The following VEZT variants were observed in gnomAD, a reference collection of about 807,000 sequenced individuals.
VEZT encodes vezatin, adherens junctions transmembrane protein.
In VEZT, 39 loss-of-function variants were observed where a neutral mutation model predicts 79.9. The ratio of observed to expected loss-of-function variants is 0.49; its 90% CI spans 0.38 to 0.64. The LOEUF is 0.64. Among genes scored for constraint, VEZT ranks in the 30% least tolerant of loss-of-function variants. The pLI is 0.00. For missense variants in VEZT, 837 were observed against 893.1 expected (o/e 0.94, Z 0.80); for synonymous variants, 325 against 327.6 (o/e 0.99, Z 0.09).
At chr12:95,288,087 T>C (rs1035745963) in intron 9 of VEZT, among the ~76,000 whole-genome samples, 1 of 152,208 alleles carries the variant, frequency 6.6e-6, no homozygotes, top group African/African-American at 2.4e-5. Flanking sequence ...GTGAATCATA[T>C]CTCTTTTTTA....
At chr12:95,297,291 T>C (rs17041180) in intron 11 of VEZT, among the ~76,000 whole-genome samples, 19,435 of 152,250 alleles carry the variant, frequency 0.13, 2,021 homozygotes, top group African/African-American at 0.29. Context: ...TGGATTCTCT[T>C]CCATTTTACA....
At chr12:95,279,009 G>A (rs1221397422) in intron 7 of VEZT, among the ~76,000 whole-genome samples, 7 of 152,240 alleles carry the variant, frequency 4.6e-5, no homozygotes, top group African/African-American at 1.7e-4. Context: ...GGCGGAAGTT[G>A]TGGTGAGCCA....
chr12:95,274,827 G>C lies in VEZT; in HGVS notation c.934G>C (p.Glu312Gln). The part of the protein sequence containing the change: ...FKELGLGLSE[E>Q]QISEEEAHNF... The stretch of plus-strand genomic sequence containing the variant: ...AGAGCTGGGCCTTGGACTTAGTGAA[G>C]AGCAGATTTCAGAAGAGGAAGCACA... Residue 312 changes from glutamate to glutamine, a missense_variant, in exon 7 of 12, where the codon GAG becomes CAG. Physicochemically the swap from Glu to Gln is conservative, Grantham distance 29 (BLOSUM62 2). Coordinates refer to ENST00000436874, the MANE Select transcript of VEZT (RefSeq NM_017599.4). 7 of 1,613,876 alleles carry C rather than the reference G, an allele frequency of 4.3e-6. No homozygotes were observed. Among genetic ancestry groups the C allele is most frequent in the Non-Finnish European group, 5.9e-6 (7 of 1,179,834 alleles).
At chr12:95,240,660 A>C (rs1270899046) in intron 1 of VEZT, among the ~76,000 whole-genome samples, 2 of 152,184 alleles carry the variant, frequency 1.3e-5, no homozygotes, top group African/African-American at 4.8e-5. Flanking sequence ...ATTCTAATGC[A>C]GTTATTTCGA....
chr12:95,268,850 A>C (rs2066053805), intron 5 of VEZT, among the ~76,000 whole-genome samples: 1 of 152,194 alleles, frequency 6.6e-6, no homozygotes, highest in South Asian at 2.1e-4. Flanking sequence ...CAGTTTTTAA[A>C]ACTGATTTAG....
chr12:95,295,174 T>G (rs1181107528), intron 10 of VEZT, among the ~76,000 whole-genome samples: 1 of 152,186 alleles, frequency 6.6e-6, no homozygotes, highest in Non-Finnish European at 1.5e-5. Context: ...GGTTCTTTTT[T>G]ATATGAGACC....
intron 6 of VEZT, among the ~76,000 whole-genome samples, chr12:95,273,817 A>G (rs1566208342): frequency 6.6e-6 from 1 of 152,242 alleles, no homozygotes; most frequent in Admixed American, 6.5e-5. Flanking sequence ...TAAATTTAAT[A>G]TTGGATTGTA....
At chr12:95,236,058 A>G (rs1170366496) in intron 1 of VEZT, among the ~76,000 whole-genome samples, 29 of 151,546 alleles carry the variant, frequency 1.9e-4, no homozygotes, top group African/African-American at 3.4e-4. Flanking sequence ...GCACTTTGGG[A>G]GGCCAAGGCA....
In VEZT at chr12:95,280,566, T is replaced by C. The variant is rs537358020; in HGVS notation, c.997-1747T>C. ...ACACACACACACACTATTCCTCTTC[T>C]TTGCTGTGTTTTTCCCATCAACCAA... On this transcript the variant is annotated intron_variant, in intron 7 of 11. Transcript: ENST00000436874. 2.6e-5 allele frequency among the ~76,000 whole-genome samples: 4 copies of C among 151,608 alleles called. No individual in the cohort carries two copies. In the East Asian group the frequency reaches 7.8e-4, roughly 29 times the overall value.
At chr12:95,262,765 A>G in intron 3 of VEZT, 141 bp from the exon 4 acceptor site, 4 of 653,892 alleles carry the variant, frequency 6.1e-6, no homozygotes, top group Non-Finnish European at 9.2e-6. Flanking sequence ...ATCATACTGA[A>G]GGTAGATTGG....
chr12:95,274,323 G>A (rs1222248092), intron 6 of VEZT, among the ~76,000 whole-genome samples: 1 of 152,108 alleles, frequency 6.6e-6, no homozygotes, highest in Non-Finnish European at 1.5e-5. Context: ...AAAATCAGCT[G>A]GGTGTGGTGG....
At chr12:95,298,037 T>G (rs1376659897) in intron 11 of VEZT, among the ~76,000 whole-genome samples, 1 of 152,034 alleles carries the variant, frequency 6.6e-6, no homozygotes, top group African/African-American at 2.4e-5. Context: ...GGAGAATCGC[T>G]TGAACCTGGG....
At position 95,294,336 on chromosome 12, in the gene VEZT, A is replaced by G; in HGVS notation, c.1587A>G (p.Leu529=). ...TAGTACCTTTGAAGCAGCCTACTCT[A>G]CACATTGCAGACAAAGATCCAATCC... The part of the protein sequence containing the change: ...CTVVPLKQPT[L]HIADKDPIPE... The change falls in exon 10 of 12, where the codon CTA becomes CTG. Residue 529 remains leucine (L), a synonymous_variant. Transcript: ENST00000436874. 1.3e-6 allele frequency: 2 copies of G among 1,589,922 alleles called. No homozygotes were observed. Among genetic ancestry groups the G allele is most frequent in the Non-Finnish European group, 1.7e-6 (2 of 1,167,584 alleles).
chr12:95,249,304 T>G (rs1187832285), intron 1 of VEZT, among the ~76,000 whole-genome samples: 1 of 152,228 alleles, frequency 6.6e-6, no homozygotes, highest in Non-Finnish European at 1.5e-5. Context: ...AACAATGTTT[T>G]TTTTTAAAGT....
chr12:95,274,629 C>G (rs2067266385), intron 6 of VEZT, 113 bp from the exon 7 acceptor site: 1 of 1,146,016 alleles, frequency 8.7e-7, no homozygotes, highest in East Asian at 2.5e-5. Flanking sequence ...TGCTGTAAAC[C>G]TCCTCATCCA....
intron 9 of VEZT, among the ~76,000 whole-genome samples, chr12:95,291,268 T>G (rs951634850): frequency 1.3e-5 from 2 of 152,184 alleles, no homozygotes; most frequent in African/African-American, 4.8e-5. Flanking sequence ...TGTGTGTGTG[T>G]CACATTATTT....
chr12:95,293,014 C>G (rs368154859), intron 9 of VEZT, among the ~76,000 whole-genome samples: 1 of 151,964 alleles, frequency 6.6e-6, no homozygotes, highest in East Asian at 1.9e-4. Context: ...CCATGCCTGG[C>G]TAATTTTTCT....
chr12:95,234,376 G>A (rs566780132), intron 1 of VEZT, among the ~76,000 whole-genome samples: 20 of 143,122 alleles, frequency 1.4e-4, no homozygotes, highest in East Asian at 4.3e-4. Context: ...CAACCTCCCC[G>A]CCGGCCGGGT....
At chr12:95,252,781 A>G (rs909699797) in intron 2 of VEZT, among the ~76,000 whole-genome samples, 1 of 152,194 alleles carries the variant, frequency 6.6e-6, no homozygotes, top group African/African-American at 2.4e-5. Context: ...CCTGGCCAAC[A>G]TGGTGAAACC....
Sources: allele counts gnomAD v4.1 joint callset (sites outside exome capture counted in the v4.1 genomes callset), GRCh38; gene constraint gnomAD v4.1.1; transcripts MANE v1.5; gene names NCBI Gene and HGNC (gene_info 2026-07-23, HGNC 2026-07-21).